The following LSAMP variants were observed in gnomAD, a reference collection of about 807,000 sequenced individuals.
The protein encoded by LSAMP is limbic system-associated membrane protein.
In LSAMP, 7 loss-of-function variants were observed where a neutral mutation model predicts 38.6. The observed-to-expected ratio is 0.18, with a 90% CI of 0.10 to 0.34. LSAMP has a LOEUF of 0.34. LSAMP is among the 10% of genes least tolerant of loss of function. The probability of loss-of-function intolerance (pLI) is 1.00; values close to 1 mark genes in which losing one functional copy is unlikely to be tolerated. For synonymous variants in LSAMP, 154 were observed against 166.8 expected (o/e 0.92, Z 0.59); for missense variants, 313 against 420.0 (o/e 0.75, Z 2.23).
chr3:115,867,414 G>A (rs1174114033), intron 3 of LSAMP, among the ~76,000 whole-genome samples: 1 of 152,038 alleles, frequency 6.6e-6, no homozygotes, highest in Non-Finnish European at 1.5e-5. Flanking sequence ...ACAATTTCAA[G>A]ATGAAAAAGT....
chr3:116,297,927 C>T (rs1345769082), intron 1 of LSAMP, among the ~76,000 whole-genome samples: 3 of 152,160 alleles, frequency 2.0e-5, no homozygotes, highest in African/African-American at 7.2e-5. Flanking sequence ...ACCCTTTCTC[C>T]TCTTCCAGAA....
chr3:116,293,143 T>A (rs183074152), intron 1 of LSAMP, among the ~76,000 whole-genome samples: 1 of 152,296 alleles, frequency 6.6e-6, no homozygotes, highest in African/African-American at 2.4e-5. Flanking sequence ...CTCTTTTGGA[T>A]GTCCAATGTT....
At chr3:116,295,625 T>C (rs776379167) in intron 1 of LSAMP, among the ~76,000 whole-genome samples, 47 of 152,320 alleles carry the variant, frequency 3.1e-4, no homozygotes, top group African/African-American at 1.0e-3. Context: ...CATTCTTTAG[T>C]TGGCATTATT....
At chr3:116,438,117 A>G (rs2049381424) in intron 1 of LSAMP, among the ~76,000 whole-genome samples, 1 of 151,650 alleles carries the variant, frequency 6.6e-6, no homozygotes. Flanking sequence ...ACTCAACTAT[A>G]TCGTAAGATA....
chr3:116,087,747 G>T (rs1243575379), intron 1 of LSAMP, among the ~76,000 whole-genome samples: 1 of 152,092 alleles, frequency 6.6e-6, no homozygotes, highest in African/African-American at 2.4e-5. Context: ...TAACCCATAG[G>T]CTGTCCCACA....
intron 6 of LSAMP, among the ~76,000 whole-genome samples, chr3:115,818,790 T>TTATACATATATATATATATATA (rs1934118762): frequency 1.4e-5 from 1 of 69,786 alleles, no homozygotes; most frequent in Non-Finnish European, 3.0e-5. Flanking sequence ...AGTTGTACTT[T>TTATACATATATATATATATATA]TATATATATA....
intron 1 of LSAMP, among the ~76,000 whole-genome samples, chr3:116,170,581 T>C (rs932542440): frequency 6.6e-6 from 1 of 152,174 alleles, no homozygotes; most frequent in Non-Finnish European, 1.5e-5. Context: ...CATTACTTGC[T>C]ATACGATTGT....
chr3:116,351,305 A>T (rs1202775037), intron 1 of LSAMP, among the ~76,000 whole-genome samples: 1 of 151,986 alleles, frequency 6.6e-6, no homozygotes, highest in Admixed American at 6.6e-5. Flanking sequence ...TCCAATGGAG[A>T]TGCCATTAAA....
intron 1 of LSAMP, among the ~76,000 whole-genome samples, chr3:116,128,380 C>T (rs1709053067): frequency 6.6e-6 from 1 of 152,214 alleles, no homozygotes; most frequent in African/African-American, 2.4e-5. Flanking sequence ...AGAAGCCATA[C>T]TTTTCCCTGA....
intron 1 of LSAMP, among the ~76,000 whole-genome samples, chr3:116,237,186 G>A (rs527843697): frequency 1.6e-4 from 24 of 151,974 alleles, no homozygotes; most frequent in Admixed American, 1.3e-3. Flanking sequence ...ACAGTCTTCC[G>A]CACAAAAGCT....
intron 3 of LSAMP, among the ~76,000 whole-genome samples, chr3:115,907,169 A>G (rs1430834858): frequency 6.6e-6 from 1 of 152,194 alleles, no homozygotes; most frequent in African/African-American, 2.4e-5. Flanking sequence ...CTTGGATCTA[A>G]TTCCTGTCTA....
intron 2 of LSAMP, among the ~76,000 whole-genome samples, chr3:116,085,926 G>A (rs1052955601): frequency 6.6e-6 from 1 of 152,176 alleles, no homozygotes; most frequent in Non-Finnish European, 1.5e-5. Flanking sequence ...TTCAGGGTGA[G>A]GACAGATAAA....
At chr3:115,862,744 A>C (rs1449583455) in intron 3 of LSAMP, among the ~76,000 whole-genome samples, 6 of 152,198 alleles carry the variant, frequency 3.9e-5, no homozygotes. Flanking sequence ...TTTTGACCTA[A>C]AGGTACAAGC....
At chr3:115,822,947 G>A (rs1025524125) in intron 6 of LSAMP, among the ~76,000 whole-genome samples, 1 of 152,198 alleles carries the variant, frequency 6.6e-6, no homozygotes, top group Non-Finnish European at 1.5e-5. Context: ...GAATACTGCA[G>A]CCCTAGACAG....
chr3:116,139,504 C>T (rs1315648868), intron 1 of LSAMP, among the ~76,000 whole-genome samples: 1 of 151,880 alleles, frequency 6.6e-6, no homozygotes, highest in Non-Finnish European at 1.5e-5. Context: ...AAATTTTAAC[C>T]GTATCTCTTC....
chr3:115,992,438 C>A (rs1220332772), intron 3 of LSAMP, among the ~76,000 whole-genome samples: 1 of 152,014 alleles, frequency 6.6e-6, no homozygotes, highest in Non-Finnish European at 1.5e-5. Flanking sequence ...CATGTTTGGG[C>A]TCCTACAAGT....
chr3:116,141,161 T>C (rs1011640035), intron 1 of LSAMP, among the ~76,000 whole-genome samples: 2 of 151,956 alleles, frequency 1.3e-5, no homozygotes, highest in South Asian at 4.1e-4. Flanking sequence ...TATAGGTTAC[T>C]TGAAACTATA....
intron 1 of LSAMP, among the ~76,000 whole-genome samples, chr3:116,098,434 G>A (rs1708272589): frequency 6.6e-6 from 1 of 152,156 alleles, no homozygotes; most frequent in Non-Finnish European, 1.5e-5. Context: ...AGGAGGCTGT[G>A]GTTGCAGTAA....
rs1322678353 is a variant in LSAMP at position 115,810,337 on chromosome 3, A to G, written c.997T>C (p.Cys333Arg). 6.2e-7 allele frequency: 1 copy of G among 1,612,694 alleles called. No homozygotes were observed. The highest frequency in any genetic ancestry group is 8.5e-7 in the Non-Finnish European group (1 of 1,179,272). Residue 333 changes from cysteine to arginine, a missense_variant, in exon 7 of 7, where the codon TGC becomes CGC. Coordinates refer to ENST00000490035, the MANE Select transcript of LSAMP (RefSeq NM_002338.5). ...PLWLLAASLL[C>R]LLSKC ...TTCTATTAACATTTGCTGAGAAGGCAGAGCAGAGATGCTGCCAGCAGCCAC... is the reference window on the plus strand; with the variant it reads ...TTCTATTAACATTTGCTGAGAAGGCGGAGCAGAGATGCTGCCAGCAGCCAC...
Sources: gnomAD v4.1 joint callset for allele counts (sites outside exome capture counted in the v4.1 genomes callset) on GRCh38, gnomAD v4.1.1 for gene constraint, MANE v1.5 for transcripts, NCBI Gene and HGNC (gene_info 2026-07-23, HGNC 2026-07-21) for gene names.